USP22: variants seen among roughly 807,000 people sequenced by gnomAD.
USP22 encodes the protein ubiquitin specific peptidase 22, also known as ubiquitin carboxyl-terminal hydrolase 22.
Under a neutral mutation model 68.1 loss-of-function variants are expected in USP22, and 22 were observed. That is an observed-to-expected ratio of 0.32 (90% confidence interval 0.23 to 0.46). USP22 has a LOEUF of 0.46. Among genes scored for constraint, USP22 ranks in the 20% least tolerant of loss-of-function variants. The pLI is 1.00. For missense variants in USP22, 433 were observed against 695.8 expected (o/e 0.62, Z 4.25); for synonymous variants, 279 against 274.2 (o/e 1.02, Z -0.17).
In USP22 at chr17:21,002,017, T is replaced by C. The variant is rs1913599076; in HGVS notation, c.*1014A>G. 1 of 152,252 alleles carries C rather than the reference T, an allele frequency of 6.6e-6. No homozygotes were observed. The highest frequency in any genetic ancestry group is 1.5e-5 in the Non-Finnish European group (1 of 68,064). 9.4% of individuals were successfully genotyped at this position (152,252 alleles called of 1,614,324 possible). ...ACTCCAGCTTCGCGACCAACACCCT[T>C]GGCTGCCAGGCAGCGGTAGCCAGGC... On this transcript the variant is annotated 3_prime_UTR_variant, in exon 13 of 13. Coordinates refer to ENST00000261497, the MANE Select transcript of USP22 (RefSeq NM_015276.2).
At chr17:21,010,642 C>G (rs1388455327) in intron 8 of USP22, among the ~76,000 whole-genome samples, 2 of 145,042 alleles carry the variant, frequency 1.4e-5, no homozygotes, top group Non-Finnish European at 3.0e-5. Flanking sequence ...CCAGCCTGGT[C>G]GACAGAGCAC....
At chr17:21,013,134 T>C (rs867592377) in intron 6 of USP22, among the ~76,000 whole-genome samples, 199 bp from the exon 7 acceptor site, 7 of 152,354 alleles carry the variant, frequency 4.6e-5, no homozygotes, top group Middle Eastern at 3.4e-3. Context: ...GGATTTTCAA[T>C]GCTCCTTTTT....
At chr17:21,043,039 C>T (rs1367296896), upstream of USP22, 5 of 264,028 alleles carry the variant, frequency 1.9e-5, no homozygotes, top group Non-Finnish European at 3.5e-5. Context: ...GCTGCGGCTG[C>T]TGCGGACCGC....
chr17:21,013,039 C>T (rs1237016506), intron 6 of USP22, 104 bp from the exon 7 acceptor site: 18 of 1,036,142 alleles, frequency 1.7e-5, no homozygotes, highest in East Asian at 1.2e-4. Context: ...CCAGGGCCAA[C>T]GCTTTAAAAG....
intron 2 of USP22, among the ~76,000 whole-genome samples, chr17:21,022,382 A>AAT (rs1972167433): frequency 6.6e-6 from 1 of 152,090 alleles, no homozygotes; most frequent in African/African-American, 2.4e-5. Context: ...AAAAGTCAAA[A>AAT]AAATAAAATA....
In USP22 at chr17:21,002,865, C is replaced by T; in HGVS notation, c.*166G>A. The T allele has an allele frequency of 1.2e-6, 1 of 804,852 alleles. No individual in the cohort carries two copies. The allele number at this position is 804,852 out of a possible 1,614,324, so 49.9% of individuals were successfully genotyped here. ...AGCCTCCCCGTCCGTGTGGTCCATC[C>T]CGACCCGATGGGTCCCAGGTGCAGA... On this transcript the variant is annotated 3_prime_UTR_variant, in exon 13 of 13. Transcript: ENST00000261497.
rs758029571 is a variant in USP22, at chr17:21,003,093, G to A, written c.1536-20C>T. ...AAGTACCTGTGGAGGCAGAGAGAGG[G>A]AGGAGGCTCACCTCTAACTCCTAAG... On this transcript the variant is annotated intron_variant, in intron 12 of 12. Coordinates refer to ENST00000261497, the MANE Select transcript of USP22 (RefSeq NM_015276.2). 8.1e-6 allele frequency: 13 copies of A among 1,613,706 alleles called. No individual in the cohort carries two copies. In the East Asian group the frequency reaches 2.2e-4, roughly 28 times the overall value.
chr17:21,022,439 AAAGT>A (rs1421312537), intron 2 of USP22, among the ~76,000 whole-genome samples: 6 of 152,250 alleles, frequency 3.9e-5, no homozygotes, highest in South Asian at 2.1e-4. Flanking sequence ...TTTTATCATA[AAAGT>A]AAGTAAGATA....
intron 6 of USP22, among the ~76,000 whole-genome samples, chr17:21,013,155 A>T (rs1247378373): frequency 1.3e-5 from 2 of 152,190 alleles, no homozygotes; most frequent in Admixed American, 1.3e-4. Flanking sequence ...CTCATTCCCT[A>T]ACAAGAGCCC....
At chr17:21,037,748 G>A (rs1443531881) in intron 1 of USP22, among the ~76,000 whole-genome samples, 4 of 152,204 alleles carry the variant, frequency 2.6e-5, no homozygotes, top group African/African-American at 9.7e-5. Context: ...ATGCAGTGTA[G>A]TTAATGAACT....
intron 7 of USP22, among the ~76,000 whole-genome samples, chr17:21,012,585 C>T (rs1914004164): frequency 6.6e-6 from 1 of 152,038 alleles, no homozygotes; most frequent in Admixed American, 6.6e-5. Flanking sequence ...GAACACACTG[C>T]TGGCTGTAGA....
chr17:21,043,359 G>A (rs1737539642), upstream of USP22: 4 of 224,446 alleles, frequency 1.8e-5, no homozygotes, highest in South Asian at 1.2e-4. Flanking sequence ...TAGTCCGTCT[G>A]GTACAGAGCC....
chr17:21,003,285 C>T (rs552771956), intron 12 of USP22, among the ~76,000 whole-genome samples: 3 of 152,182 alleles, frequency 2.0e-5, no homozygotes, highest in African/African-American at 4.8e-5. Context: ...CCGACCACCA[C>T]CCCCACCTGC....
At chr17:21,023,151 G>C (rs902747681) in intron 2 of USP22, among the ~76,000 whole-genome samples, 15 of 152,210 alleles carry the variant, frequency 9.9e-5, no homozygotes, top group Admixed American at 2.0e-4. Context: ...CACAAGAGGA[G>C]AACAACAGAC....
At chr17:21,039,148 T>C (rs1270655283) in intron 1 of USP22, among the ~76,000 whole-genome samples, 1 of 151,916 alleles carries the variant, frequency 6.6e-6, no homozygotes, top group Non-Finnish European at 1.5e-5. Flanking sequence ...AGACATGGTT[T>C]CACCGTGTTA....
intron 1 of USP22, among the ~76,000 whole-genome samples, chr17:21,037,791 G>C (rs894621322): frequency 1.3e-5 from 2 of 152,202 alleles, no homozygotes; most frequent in African/African-American, 4.8e-5. Context: ...AGAAGTAAAA[G>C]CGGGGAAATC....
chr17:21,036,178 C>T (rs1045754076), intron 1 of USP22, among the ~76,000 whole-genome samples: 5 of 151,894 alleles, frequency 3.3e-5, no homozygotes, highest in African/African-American at 9.7e-5. Flanking sequence ...GAAAAACCTC[C>T]GAGATGGAGA....
chr17:21,004,847 G>A (rs1368142752), intron 11 of USP22, 81 bp downstream of exon 11: 2 of 1,517,230 alleles, frequency 1.3e-6, no homozygotes, highest in Non-Finnish European at 1.8e-6. Context: ...GATCCGCTGG[G>A]CGCCCTACAA....
At chr17:21,015,082 T>C (rs1010251242) in intron 6 of USP22, among the ~76,000 whole-genome samples, 1 of 152,198 alleles carries the variant, frequency 6.6e-6, no homozygotes, top group African/African-American at 2.4e-5. Flanking sequence ...CACTGGGATC[T>C]CCACCATGAG....
Sources: gnomAD v4.1 joint callset for allele counts (sites outside exome capture counted in the v4.1 genomes callset) on GRCh38, gnomAD v4.1.1 for gene constraint, MANE v1.5 for transcripts, NCBI Gene and HGNC (gene_info 2026-07-23, HGNC 2026-07-21) for gene names.